TSEN2: variants seen among roughly 807,000 people sequenced by gnomAD.
The protein encoded by TSEN2 is tRNA-splicing endonuclease subunit Sen2.
TSEN2 carries 54 observed loss-of-function variants against 59.2 expected under a neutral mutation model. The observed-to-expected ratio is 0.91, with a 90% CI of 0.73 to 1.14. The LOEUF (loss-of-function observed/expected upper bound fraction) is 1.14, where lower values mean the gene tolerates loss of function less well. Ranked by LOEUF, TSEN2 falls within the 50% of genes most tolerant of loss-of-function variation. The pLI is 0.00. For missense variants in TSEN2, 636 were observed against 576.2 expected, an observed-to-expected ratio of 1.10 and a Z score of -1.06; for synonymous variants, 195 against 198.2, an observed-to-expected ratio of 0.98 and a Z score of 0.14.
intron 10 of TSEN2, 27 bp from the exon 11 acceptor site, chr3:12,531,543 C>T (rs1197156955): frequency 6.8e-7 from 1 of 1,477,782 alleles, no homozygotes; most frequent in Non-Finnish European, 9.5e-7. Flanking sequence ...TTGTAGGATA[C>T]AGAAGTGGTT....
chr3:12,500,300 T>C (rs1175242512), intron 4 of TSEN2, among the ~76,000 whole-genome samples: 1 of 152,254 alleles, frequency 6.6e-6, no homozygotes, highest in Non-Finnish European at 1.5e-5. Flanking sequence ...GTCATTTGTT[T>C]GTGTGGCTCT....
At chr3:12,505,420 T>A (rs1398654992) in intron 6 of TSEN2, 189 bp downstream of exon 6, 3 of 587,898 alleles carry the variant, frequency 5.1e-6, no homozygotes, top group Non-Finnish European at 9.2e-6. Context: ...TTTCATCAGT[T>A]CTAAGATATG....
chr3:12,489,023 C>T (rs2052938136), intron 1 of TSEN2, among the ~76,000 whole-genome samples: 1 of 152,180 alleles, frequency 6.6e-6, no homozygotes, highest in Non-Finnish European at 1.5e-5. Flanking sequence ...GTTCTAAGCA[C>T]TTTATGGATC....
chr3:12,509,774 T>G (rs2055236080), intron 6 of TSEN2, among the ~76,000 whole-genome samples: 1 of 152,184 alleles, frequency 6.6e-6, no homozygotes. Context: ...GGAGCAGCAT[T>G]CATGCTGAGT....
chr3:12,516,123 A>T (rs1243227701), intron 6 of TSEN2, among the ~76,000 whole-genome samples: 1 of 152,124 alleles, frequency 6.6e-6, no homozygotes, highest in Non-Finnish European at 1.5e-5. Context: ...AACCATTTAT[A>T]TTAAAAATAT....
rs749423706 is a variant in TSEN2, at chr3:12,532,777, A to T, written c.*56A>T. On this transcript the variant is annotated 3_prime_UTR_variant, in exon 12 of 12. Transcript: ENST00000284995. Reference sequence around the variant, plus strand: ...ACAACTATTTATTGAGGGCTAGGTAAAAAGTTCTTTTTGTTGTAATCGTCC... The same window carrying T: ...ACAACTATTTATTGAGGGCTAGGTATAAAGTTCTTTTTGTTGTAATCGTCC... The T allele has an allele frequency of 7.5e-5, 118 of 1,566,944 alleles. No individual in the cohort carries two copies. The highest frequency in any genetic ancestry group is 8.2e-5 in the Non-Finnish European group (93 of 1,138,026).
chr3:12,514,026 C>T (rs566418537), intron 6 of TSEN2, among the ~76,000 whole-genome samples: 8 of 152,220 alleles, frequency 5.3e-5, no homozygotes, highest in Non-Finnish European at 1.2e-4. Context: ...AGACCCCCTT[C>T]TAGGCCAAGG....
chr3:12,495,572 G>C (rs1039185028), intron 3 of TSEN2, among the ~76,000 whole-genome samples: 7 of 152,140 alleles, frequency 4.6e-5, no homozygotes, highest in African/African-American at 2.4e-5. Flanking sequence ...CAACCTAATC[G>C]GATAGACTTT....
intron 4 of TSEN2, 34 bp from the exon 5 acceptor site, chr3:12,503,228 G>A (rs747394360): frequency 8.1e-6 from 13 of 1,613,546 alleles, no homozygotes; most frequent in Admixed American, 3.3e-5. Flanking sequence ...TTTGAAATTC[G>A]AGTGCTGTTT....
At chr3:12,504,420 A>G (rs1057297370) in intron 5 of TSEN2, among the ~76,000 whole-genome samples, 1 of 151,720 alleles carries the variant, frequency 6.6e-6, no homozygotes, top group African/African-American at 2.4e-5. Flanking sequence ...CATTTCTACT[A>G]AAAACAAAAA....
At chr3:12,531,187 G>A (rs531532118) in intron 10 of TSEN2, 2 of 205,960 alleles carry the variant, frequency 9.7e-6, no homozygotes, top group Non-Finnish European at 1.8e-5. Context: ...TCCATGACAC[G>A]TGGGGATTGT....
intron 8 of TSEN2, among the ~76,000 whole-genome samples, chr3:12,525,598 C>T (rs948481003): frequency 5.9e-5 from 9 of 152,024 alleles, no homozygotes; most frequent in Admixed American, 2.0e-4. Context: ...ACTCTATCCC[C>T]GAGGGTGGAG....
chr3:12,513,375 C>G (rs961587095), intron 6 of TSEN2, among the ~76,000 whole-genome samples: 2 of 152,138 alleles, frequency 1.3e-5, no homozygotes, highest in Admixed American at 1.3e-4. Flanking sequence ...CCTGTAATCT[C>G]AGTACTTTGG....
At chr3:12,505,285 A>T in intron 6 of TSEN2, 54 bp downstream of exon 6, 2 of 1,069,228 alleles carry the variant, frequency 1.9e-6, no homozygotes, top group South Asian at 1.3e-5. Flanking sequence ...CCTGAACTAC[A>T]CTATATGTGA....
chr3:12,539,187 C>A (rs1456982504), exon 11 of TSEN2: 1 of 424,450 alleles, frequency 2.4e-6, no homozygotes, highest in East Asian at 7.3e-5. Context: ...AGGCTGGAGT[C>A]CAATGCTGCG....
At chr3:12,501,174 C>A (rs1337884548) in intron 4 of TSEN2, among the ~76,000 whole-genome samples, 1 of 152,194 alleles carries the variant, frequency 6.6e-6, no homozygotes, top group Non-Finnish European at 1.5e-5. Context: ...AGACACCCTG[C>A]AGGTTGTGGC....
At chr3:12,508,338 G>A (rs1352232117) in intron 6 of TSEN2, among the ~76,000 whole-genome samples, 1 of 152,238 alleles carries the variant, frequency 6.6e-6, no homozygotes, top group Non-Finnish European at 1.5e-5. Flanking sequence ...CCTGGCACCT[G>A]AGAACATTTC....
rs1310413894 is a variant in TSEN2 at position 12,503,347 on chromosome 3, T to C, written c.394T>C (p.Tyr132His). 3.7e-6 allele frequency: 6 copies of C among 1,614,214 alleles called. No homozygotes were observed. The Middle Eastern group carries it at 6.6e-4, about 178-fold the overall frequency. The change falls in exon 5 of 12, where the codon TAC (tyrosine) becomes CAC (histidine). Residue 132 changes from tyrosine (Y) to histidine (H), a missense_variant. Tyr to His is a moderately conservative substitution (Grantham distance 83, BLOSUM62 2). Transcript: ENST00000284995. ...TACAGTGCGCAGAATCCTCAAGGAT[T>C]ACACGAAACCGCTTGAGCATCCTCC... is the stretch of plus-strand genomic sequence containing the variant. ...ESTVRRILKD[Y>H]TKPLEHPPVK...
intron 4 of TSEN2, 23 bp from the exon 5 acceptor site, chr3:12,503,239 C>T: frequency 1.2e-6 from 2 of 1,614,032 alleles, no homozygotes; most frequent in East Asian, 4.5e-5. Context: ...AGTGCTGTTT[C>T]TAACAGTATT....
Sources: allele counts gnomAD v4.1 joint callset (sites outside exome capture counted in the v4.1 genomes callset), GRCh38; gene constraint gnomAD v4.1.1; transcripts MANE v1.5; gene names NCBI Gene and HGNC (gene_info 2026-07-23, HGNC 2026-07-21).